Variants in HDGFL3 observed in about 807,000 individuals in gnomAD.
HDGFL3 encodes hepatoma-derived growth factor-related protein 3.
HDGFL3 carries 6 observed loss-of-function variants against 27.6 expected under a neutral mutation model. The observed-to-expected ratio is 0.22, with a 90% confidence interval of 0.12 to 0.43. The LOEUF (loss-of-function observed/expected upper bound fraction) is 0.43. HDGFL3 is among the 20% of genes least tolerant of loss of function. The probability of loss-of-function intolerance (pLI) is 1.00; values close to 1 mark genes in which losing one functional copy is unlikely to be tolerated. For synonymous variants in HDGFL3, 88 were observed against 88.9 expected (o/e 0.99, Z 0.05); for missense variants, 207 against 250.1 (o/e 0.83, Z 1.16).
At chr15:83,122,252 G>A (rs569199664) in intron 3 of HDGFL3, among the ~76,000 whole-genome samples, 2 of 152,208 alleles carry the variant, frequency 1.3e-5, no homozygotes, top group East Asian at 3.9e-4. Context: ...TTTTTTAGAA[G>A]GATCTTGAGG....
chr15:83,118,614 G>A (rs2034919620), intron 3 of HDGFL3, among the ~76,000 whole-genome samples: 1 of 152,146 alleles, frequency 6.6e-6, no homozygotes. Context: ...CTTGCCCCAG[G>A]GGAGCATGAA....
In HDGFL3 at chr15:83,136,428, T is replaced by C. The variant is rs2036610901; in HGVS notation, c.*2842A>G. 2 of 1,494,074 alleles carry C rather than the reference T, an allele frequency of 1.3e-6. No individual in the cohort carries two copies. The allele number at this position is 1,494,074 out of a possible 1,614,324, so 92.6% of individuals were successfully genotyped here. On this transcript the variant is annotated 3_prime_UTR_variant, in exon 6 of 6. Coordinates refer to ENST00000299633, the MANE Select transcript of HDGFL3 (RefSeq NM_016073.4). Reference sequence around the variant, plus strand: ...TGAACCATTCAGAACTCATCATGCATCCAACTGAACACGTTTCATGCTTAC... The same window carrying C: ...TGAACCATTCAGAACTCATCATGCACCCAACTGAACACGTTTCATGCTTAC...
chr15:83,127,177 G>C (rs1481279094), downstream of HDGFL3, among the ~76,000 whole-genome samples: 1 of 149,946 alleles, frequency 6.7e-6, no homozygotes, highest in Non-Finnish European at 1.5e-5. Context: ...CTGAGTGACA[G>C]AGTGAGACTC....
chr15:83,146,253 A>C (rs1322171295), intron 5 of HDGFL3, among the ~76,000 whole-genome samples: 1 of 152,108 alleles, frequency 6.6e-6, no homozygotes, highest in Non-Finnish European at 1.5e-5. Flanking sequence ...CTGTTTTGAA[A>C]GCAAAATTAT....
At position 83,131,203 on chromosome 15, in the gene HDGFL3, C is replaced by T. The variant is rs1483928236; in HGVS notation, c.*8067G>A. The stretch of plus-strand genomic sequence containing the variant: ...TTCTTATTTAGAAACCTTATGCATT[C>T]ATGATCCCACTAACTTTACTAAAAC... On this transcript the variant is annotated 3_prime_UTR_variant, in exon 6 of 6. Coordinates refer to ENST00000299633, the MANE Select transcript of HDGFL3 (RefSeq NM_016073.4). The T allele has an allele frequency of 2.0e-5, 3 of 152,122 alleles. No homozygotes were observed. Among genetic ancestry groups the T allele is most frequent in the South Asian group, 2.1e-4 (1 of 4,822 alleles). 9.4% of individuals were successfully genotyped at this position (152,122 alleles called of 1,614,324 possible).
downstream of HDGFL3, chr15:83,124,765 T>C: frequency 6.2e-7 from 1 of 1,613,576 alleles, no homozygotes; most frequent in South Asian, 1.1e-5. Flanking sequence ...ATTTTGCCTG[T>C]TCAGAGGTTT....
At chr15:83,117,697 GGCTCT>G (rs1161251736) in intron 3 of HDGFL3, among the ~76,000 whole-genome samples, 1 of 152,112 alleles carries the variant, frequency 6.6e-6, no homozygotes, top group African/African-American at 2.4e-5. Context: ...TGCAGGGCCA[GGCTCT>G]GGGGACCCAG....
At chr15:83,158,452 A>G (rs545415603) in intron 2 of HDGFL3, among the ~76,000 whole-genome samples, 1 of 152,344 alleles carries the variant, frequency 6.6e-6, no homozygotes, top group South Asian at 2.1e-4. Flanking sequence ...CTAGAATAAA[A>G]AAAAGATTTT....
chr15:83,126,936 T>A, downstream of HDGFL3: 1 of 1,008,574 alleles, frequency 9.9e-7, no homozygotes, highest in Non-Finnish European at 1.5e-6. Flanking sequence ...CTCACGCCTG[T>A]AATCCCAGCA....
At chr15:83,185,369 G>A (rs1444378143) in intron 1 of HDGFL3, among the ~76,000 whole-genome samples, 1 of 152,168 alleles carries the variant, frequency 6.6e-6, no homozygotes, top group East Asian at 1.9e-4. Context: ...ATAGAATGCT[G>A]GTATTTGACT....
chr15:83,115,867 C>T lies in HDGFL3; in HGVS notation c.394-126G>A, dbSNP rs532316248. ...TAGTGTATGCAGTTTTTGGATTTAC[C>T]AGCGTGGTGAACCTCATCATAGGAC... On this transcript the variant is annotated intron_variant, in intron 3 of 3. Transcript: ENST00000568294. 17 of 1,613,986 alleles carry T rather than the reference C, an allele frequency of 1.1e-5. No homozygotes were observed. The African/African-American group carries it at 1.7e-4, about 16-fold the overall frequency.
rs536922777 is a variant in HDGFL3 at position 83,157,132 on chromosome 15, G to A, written c.459+283C>T. On this transcript the variant is annotated intron_variant, in intron 4 of 5. Transcript: ENST00000299633. ...TAGAGCTCGTCTGGAGGTTACTGTA[G>A]GAGGCAAAGCTACTCATATATCCTT... Among the ~76,000 whole-genome samples the A allele has an allele frequency of 2.6e-5, 4 of 152,216 alleles. No homozygotes were observed. In the South Asian group the frequency reaches 6.2e-4, roughly 24 times the overall value.
At chr15:83,149,824 C>T (rs1300516812) in intron 5 of HDGFL3, among the ~76,000 whole-genome samples, 1 of 151,982 alleles carries the variant, frequency 6.6e-6, no homozygotes, top group Non-Finnish European at 1.5e-5. Flanking sequence ...AGACCTTAGG[C>T]TGTTTATAGG....
chr15:83,189,416 C>T (rs931439137), intron 1 of HDGFL3: 1 of 152,372 alleles, frequency 6.6e-6, no homozygotes, highest in Non-Finnish European at 1.5e-5. Context: ...CTCTGCGCCT[C>T]ATTTGCCTTC....
chr15:83,169,368 T>C (rs1369189064), intron 1 of HDGFL3: 2 of 197,490 alleles, frequency 1.0e-5, no homozygotes, highest in Non-Finnish European at 2.0e-5. Context: ...TGAGCCGAGA[T>C]CGCGCCACTG....
At chr15:83,199,239 T>C (rs1161066296) in intron 1 of HDGFL3, among the ~76,000 whole-genome samples, 3 of 152,162 alleles carry the variant, frequency 2.0e-5, no homozygotes, top group Non-Finnish European at 4.4e-5. Context: ...TCTAAAAGCA[T>C]TAACTGAGAA....
At chr15:83,144,651 AG>A in intron 5 of HDGFL3, 1 of 397,114 alleles carries the variant, frequency 2.5e-6, no homozygotes, top group South Asian at 1.9e-5. Context: ...GAATCCTGCC[AG>A]GAACAATTTG....
At chr15:83,144,924 C>G (rs1474215754) in intron 5 of HDGFL3, 2 of 172,986 alleles carry the variant, frequency 1.2e-5, no homozygotes, top group African/African-American at 4.8e-5. Flanking sequence ...ATGGTGTCCT[C>G]CTGGCCACAG....
At chr15:83,159,987 G>C (rs2037078152) in intron 2 of HDGFL3, among the ~76,000 whole-genome samples, 1 of 152,216 alleles carries the variant, frequency 6.6e-6, no homozygotes, top group Non-Finnish European at 1.5e-5. Context: ...ACAGACTGAA[G>C]ACTTAGTTAC....
Sources: allele counts gnomAD v4.1 joint callset (sites outside exome capture counted in the v4.1 genomes callset), GRCh38; gene constraint gnomAD v4.1.1; transcripts MANE v1.5; gene names NCBI Gene and HGNC (gene_info 2026-07-23, HGNC 2026-07-21).